The following ELL2 variants were observed in gnomAD, a reference collection of about 807,000 sequenced individuals.
ELL2 encodes RNA polymerase II elongation factor ELL2.
In ELL2, 21 loss-of-function variants were observed where a neutral mutation model predicts 72.8. That is an observed-to-expected ratio of 0.29 (90% CI 0.20 to 0.42). The LOEUF is 0.42. Among genes scored for constraint, ELL2 ranks in the 10% least tolerant of loss-of-function variants. ELL2 has a pLI of 1.00. For missense variants in ELL2, 568 were observed against 772.8 expected (o/e 0.73, Z 3.14); for synonymous variants, 266 against 283.2 (o/e 0.94, Z 0.61).
At chr5:95,895,767 T>C in intron 8 of ELL2, 76 bp from the exon 9 acceptor site, 1 of 1,129,774 alleles carries the variant, frequency 8.9e-7, no homozygotes, top group South Asian at 1.3e-5. Context: ...CTAAAATAGA[T>C]TAGAAACATC....
chr5:95,943,109 A>C, intron 1 of ELL2, 60 bp from the exon 2 acceptor site: 1 of 1,439,814 alleles, frequency 6.9e-7, no homozygotes. Flanking sequence ...CATAGAACTA[A>C]ATGTTTAAAC....
At chr5:95,889,196 T>C in intron 10 of ELL2, 66 bp from the exon 11 acceptor site, 2 of 1,229,374 alleles carry the variant, frequency 1.6e-6, no homozygotes, top group East Asian at 4.7e-5. Flanking sequence ...TACAAATAGA[T>C]AACATGCATT....
chr5:95,936,054 A>G (rs1167054273), intron 2 of ELL2, among the ~76,000 whole-genome samples: 1 of 152,238 alleles, frequency 6.6e-6, no homozygotes, highest in African/African-American at 2.4e-5. Flanking sequence ...TTTTTAAATG[A>G]AAGAGAATGG....
Position 95,887,600 on chromosome 5 carries a change from A to G in ELL2, c.*1271T>C, listed in dbSNP as rs145092214. 6.5e-6 allele frequency: 1 copy of G among 152,768 alleles called. No individual in the cohort carries two copies. Among genetic ancestry groups the G allele is most frequent in the African/African-American group, 2.4e-5 (1 of 41,582 alleles). The allele number at this position is 152,768 out of a possible 1,614,324, so 9.5% of individuals were successfully genotyped here. A position where few individuals can be genotyped will look rare whatever the true frequency, so the allele number is the denominator to read the frequency against. ...CATAACTTATGTTCCCACATGATAA[A>G]ACAAGTGACAGTTTAAATCAATGTC... On this transcript the variant is annotated 3_prime_UTR_variant, in exon 12 of 12. Coordinates refer to ENST00000237853, the MANE Select transcript of ELL2 (RefSeq NM_012081.6).
chr5:95,927,424 TACACACACACGTGTGTATATAGACATAC>T (rs1750355106), intron 2 of ELL2, among the ~76,000 whole-genome samples: 1 of 37,276 alleles, frequency 2.7e-5, no homozygotes, highest in Non-Finnish European at 4.5e-5. Context: ...TATATAGACA[TACACACACACGTGTGTATATAGACATAC>T]ACACACACGT....
In ELL2 at chr5:95,888,505, A is replaced by G. The variant is rs1354585361; in HGVS notation, c.*366T>C. ...GCACATTACTGTTGTTGTTTTTTAA[A>G]CACATACAACTTTTAAGTGTGGACA... On this transcript the variant is annotated 3_prime_UTR_variant, in exon 12 of 12. Transcript: ENST00000237853. 2 of 159,442 alleles carry G rather than the reference A, an allele frequency of 1.3e-5. No homozygotes were observed. Among genetic ancestry groups the G allele is most frequent in the Non-Finnish European group, 2.7e-5 (2 of 73,300 alleles). The allele number at this position is 159,442 out of a possible 1,614,324, so 9.9% of individuals were successfully genotyped here. A position where few individuals can be genotyped will look rare whatever the true frequency, so the allele number is the denominator to read the frequency against.
chr5:95,889,782 A>C (rs970326278), intron 10 of ELL2, among the ~76,000 whole-genome samples: 18 of 151,682 alleles, frequency 1.2e-4, no homozygotes, highest in African/African-American at 4.4e-4. Flanking sequence ...AGATATGTAC[A>C]TACATTTTAT....
At chr5:95,935,732 C>T (rs1561508911) in intron 2 of ELL2, among the ~76,000 whole-genome samples, 1 of 152,204 alleles carries the variant, frequency 6.6e-6, no homozygotes, top group African/African-American at 2.4e-5. Context: ...CCTGTCTCAA[C>T]CTGCTCTTTT....
chr5:95,926,604 T>G (rs1297658686), intron 2 of ELL2, among the ~76,000 whole-genome samples: 1 of 152,222 alleles, frequency 6.6e-6, no homozygotes, highest in Non-Finnish European at 1.5e-5. Context: ...TTGCTTTCCC[T>G]GTTATTTTTC....
At chr5:95,959,485 A>C (rs1218620162) in intron 1 of ELL2, among the ~76,000 whole-genome samples, 1 of 152,070 alleles carries the variant, frequency 6.6e-6, no homozygotes, top group Non-Finnish European at 1.5e-5. Context: ...TCCATCTTGC[A>C]AGGCTGAGTT....
chr5:95,907,807 T>A (rs1749434365), intron 4 of ELL2, among the ~76,000 whole-genome samples: 1 of 152,196 alleles, frequency 6.6e-6, no homozygotes, highest in African/African-American at 2.4e-5. Flanking sequence ...GACAAGTGCA[T>A]TAGGAACAAG....
chr5:95,927,446 G>T (rs548845087), intron 2 of ELL2, among the ~76,000 whole-genome samples: 18 of 35,536 alleles, frequency 5.1e-4, no homozygotes, highest in South Asian at 1.5e-3. Context: ...TGTGTATATA[G>T]ACATACACAC....
intron 1 of ELL2, among the ~76,000 whole-genome samples, chr5:95,961,008 G>T (rs1357448286): frequency 1.3e-5 from 2 of 151,452 alleles, no homozygotes; most frequent in Admixed American, 1.3e-4. Context: ...CCATCCCTTC[G>T]AGCACACAGT....
intron 9 of ELL2, among the ~76,000 whole-genome samples, chr5:95,892,235 C>T (rs1748693434): frequency 6.6e-6 from 1 of 152,064 alleles, no homozygotes; most frequent in South Asian, 2.1e-4. Context: ...CAACCTCTAC[C>T]TCCTGGGCTC....
intron 3 of ELL2, among the ~76,000 whole-genome samples, chr5:95,919,181 T>C (rs1749949319): frequency 6.6e-6 from 1 of 152,172 alleles, no homozygotes; most frequent in African/African-American, 2.4e-5. Context: ...TTAAAAAATA[T>C]CTTCTGTACC....
chr5:95,895,568 A>G (rs1748839408), intron 9 of ELL2, 60 bp downstream of exon 9: 1 of 1,504,966 alleles, frequency 6.6e-7, no homozygotes, highest in Non-Finnish European at 9.2e-7. Context: ...TTATGGGAAA[A>G]GAATTTGCAA....
Position 95,919,486 on chromosome 5 carries a change from C to A in ELL2, c.255G>T (p.Leu85Phe). ...LNEVHNFNFYLSNVGKDNPQG... is the reference protein window; with the variant it reads ...LNEVHNFNFYFSNVGKDNPQG... ...GAGGGTTGTCTTTGCCCACATTTGA[C>A]AAATAAAAGTTAAAGTTATGAACTT... Residue 85 changes from leucine (L) to phenylalanine (F), a missense_variant, in exon 3 of 12, where the codon TTG becomes TTT. Coordinates refer to ENST00000237853, the MANE Select transcript of ELL2 (RefSeq NM_012081.6). 6.3e-7 allele frequency: 1 copy of A among 1,592,030 alleles called. No homozygotes were observed. The highest frequency in any genetic ancestry group is 1.2e-5 in the South Asian group (1 of 86,740).
In ELL2 at chr5:95,885,320, C is replaced by G. The variant is rs1373394373; in HGVS notation, c.*3551G>C. 1 of 152,184 alleles carries G rather than the reference C, an allele frequency of 6.6e-6. No individual in the cohort carries two copies. Among genetic ancestry groups the G allele is most frequent in the African/African-American group, 2.4e-5 (1 of 41,438 alleles). 9.4% of individuals were successfully genotyped at this position (152,184 alleles called of 1,614,324 possible). On this transcript the variant is annotated 3_prime_UTR_variant, in exon 12 of 12. Coordinates refer to ENST00000237853, the MANE Select transcript of ELL2 (RefSeq NM_012081.6). ...TGTTCAATCTTCAGATTACAAATAACATTGATAGCATCTCCTGTGGCCTTC... is the reference window on the plus strand; with the variant it reads ...TGTTCAATCTTCAGATTACAAATAAGATTGATAGCATCTCCTGTGGCCTTC...
At chr5:95,914,410 A>G (rs1190261124) in intron 3 of ELL2, among the ~76,000 whole-genome samples, 2 of 152,190 alleles carry the variant, frequency 1.3e-5, no homozygotes, top group African/African-American at 4.8e-5. Context: ...TAACATACTG[A>G]CAAAAATTAA....
Sources: allele counts gnomAD v4.1 joint callset (sites outside exome capture counted in the v4.1 genomes callset), GRCh38; gene constraint gnomAD v4.1.1; transcripts MANE v1.5; gene names NCBI Gene and HGNC (gene_info 2026-07-23, HGNC 2026-07-21).